Variants in MUC21 observed in about 807,000 individuals in gnomAD.
MUC21 encodes mucin-21.
In MUC21, 8 loss-of-function variants were observed where a neutral mutation model predicts 9.1. The ratio of observed to expected loss-of-function variants is 0.88; its 90% CI spans 0.52 to 1.59. MUC21 has a LOEUF of 1.59. MUC21 is among the 40% of genes most tolerant of loss of function. MUC21 has a pLI of 0.00. For synonymous variants in MUC21, 189 were observed against 275.2 expected, an observed-to-expected ratio of 0.69 and a Z score of 3.10; for missense variants, 478 against 694.2, an observed-to-expected ratio of 0.69 and a Z score of 3.50.
rs1581533333 is a variant in MUC21 at position 30,985,596 on chromosome 6, T to A, written c.62-641T>A. On this transcript the variant is annotated intron_variant, in intron 1 of 2. Coordinates refer to ENST00000376296, the MANE Select transcript of MUC21 (RefSeq NM_001010909.5). The stretch of plus-strand genomic sequence containing the variant: ...TCTTTTATAATACTTTATATCTGTA[T>A]TGTATCTTGCATAGCAGAATGTGGA... 3.3e-5 allele frequency among the ~76,000 whole-genome samples: 5 copies of A among 152,312 alleles called. No homozygotes were observed. The South Asian group carries it at 1.0e-3, about 32-fold the overall frequency.
At chr6:30,984,955 G>T (rs967020161) in intron 1 of MUC21, among the ~76,000 whole-genome samples, 11 of 150,660 alleles carry the variant, frequency 7.3e-5, no homozygotes, top group African/African-American at 2.7e-4. Context: ...AGCCTGGGCG[G>T]CAGAGCAAGA....
intron 1 of MUC21, 122 bp downstream of exon 1, chr6:30,984,141 G>A (rs1254700687): frequency 6.1e-6 from 4 of 659,446 alleles, no homozygotes; most frequent in Non-Finnish European, 1.1e-5. Flanking sequence ...CATTTTACTC[G>A]AATCACTTCA....
At chr6:30,984,192 T>C in intron 1 of MUC21, 173 bp downstream of exon 1, 1 of 553,536 alleles carries the variant, frequency 1.8e-6, no homozygotes, top group South Asian at 2.5e-5. Flanking sequence ...TCAGACACAG[T>C]GGTTAAAATT....
chr6:30,983,784 T>C lies in MUC21; in HGVS notation c.-175T>C, dbSNP rs1634714. Reference sequence around the variant, plus strand: ...ACCCAGGCATCCAGCTGCCCACGCCTGAGTCCAAGATTCTTCCCAGGAACA... The same window carrying C: ...ACCCAGGCATCCAGCTGCCCACGCCCGAGTCCAAGATTCTTCCCAGGAACA... On this transcript the variant is annotated 5_prime_UTR_variant, in exon 1 of 3. Transcript: ENST00000376296. The C allele has an allele frequency of 0.12, 61,277 of 520,474 alleles. 4,835 individuals carry two copies. The highest frequency in any genetic ancestry group is 0.16 in the Non-Finnish European group (46,888 of 293,436). 32.2% of individuals were successfully genotyped at this position (520,474 alleles called of 1,614,324 possible).
chr6:30,984,584 C>A (rs9348845), intron 1 of MUC21, among the ~76,000 whole-genome samples: 16,163 of 152,118 alleles, frequency 0.11, 1,154 homozygotes, highest in East Asian at 0.33. Context: ...GCAGGAAAAT[C>A]GCTTGAACCC....
At chr6:30,985,125 G>A (rs1762196089) in intron 1 of MUC21, among the ~76,000 whole-genome samples, 1 of 152,112 alleles carries the variant, frequency 6.6e-6, no homozygotes, top group Non-Finnish European at 1.5e-5. Context: ...AGGCTGGGGA[G>A]GTTGAATGTC....
rs749795094 is a variant in MUC21 at position 30,987,478 on chromosome 6, G to A, written c.1303G>A (p.Ala435Thr). 5.0e-6 allele frequency: 8 copies of A among 1,614,088 alleles called. No homozygotes were observed. The highest frequency in any genetic ancestry group is 2.2e-5 in the East Asian group (1 of 44,902). The change falls in exon 2 of 3, where the codon GCC (alanine) becomes ACC (threonine). Residue 435 changes from alanine (A) to threonine (T), a missense_variant. Ala to Thr is a moderately conservative substitution (Grantham distance 58, BLOSUM62 0). Transcript: ENST00000376296. ...SSTTSSGANT[A>T]TNSGSSVTSA... is the part of the protein sequence containing the mutation. ...CACAACCTCCAGTGGGGCCAACACA[G>A]CCACCAACTCTGGGTCCAGTGTGAC...
Position 30,987,564 on chromosome 6 carries a change from T to C in MUC21, c.1389T>C (p.Ser463=). The C allele has an allele frequency of 6.2e-7, 1 of 1,614,252 alleles. No homozygotes were observed. The highest frequency in any genetic ancestry group is 2.2e-5 in the East Asian group (1 of 44,890). ...TGMHTTSHSA[S]TAVSEAKPGG... is the part of the protein sequence containing the mutation. ...TGCACACAACTTCCCATAGTGCATC[T>C]ACTGCAGTGAGTGAGGCGAAGCCTG... Residue 463 remains serine (S), a synonymous_variant, in exon 2 of 3, where the codon TCT becomes TCC. Coordinates refer to ENST00000376296, the MANE Select transcript of MUC21 (RefSeq NM_001010909.5).
chr6:30,986,405 A>G lies in MUC21; in HGVS notation c.230A>G (p.Asn77Ser), dbSNP rs1337053376. Residue 77 changes from asparagine to serine, a missense_variant, in exon 2 of 3, where the codon AAC becomes AGC. Asn to Ser is a conservative substitution (Grantham distance 46). This residue lies in a region of MUC21 where 110 missense variants were observed against 108.3 expected (regional missense o/e 1.02). Transcript: ENST00000376296. ...VTSNGVSIVT[N>S]SEFHTTSSGI... ...TCCAATGGGGTCAGCATAGTCACCAACTCTGAGTTCCATACAACCTCCAGT... is the reference window on the plus strand; with the variant it reads ...TCCAATGGGGTCAGCATAGTCACCAGCTCTGAGTTCCATACAACCTCCAGT... 1.9e-6 allele frequency: 3 copies of G among 1,612,752 alleles called. No individual in the cohort carries two copies. Among genetic ancestry groups the G allele is most frequent in the Non-Finnish European group, 2.5e-6 (3 of 1,179,460 alleles).
intron 1 of MUC21, among the ~76,000 whole-genome samples, chr6:30,985,154 C>G (rs1054224660): frequency 7.9e-5 from 12 of 152,074 alleles, no homozygotes; most frequent in African/African-American, 2.9e-4. Flanking sequence ...TCTGGGAAAT[C>G]AAGGGCAAAA....
Position 30,988,120 on chromosome 6 carries a change from A to G in MUC21, c.1627A>G (p.Ser543Gly), listed in dbSNP as rs764314625. ...NHGAPHRPRW[S>G]PNWFWRRPVS... The stretch of plus-strand genomic sequence containing the variant: ...TGGAGCCCCCCACAGGCCCAGGTGG[A>G]GTCCTAACTGGTTCTGGAGGAGACC... Residue 543 changes from serine to glycine, a missense_variant, in exon 3 of 3, where the codon AGT becomes GGT. This residue lies in a region of MUC21 where 158 missense variants were observed against 192.6 expected (regional missense o/e 0.82). Coordinates refer to ENST00000376296, the MANE Select transcript of MUC21 (RefSeq NM_001010909.5). The G allele has an allele frequency of 6.2e-7, 1 of 1,612,960 alleles. No homozygotes were observed. Among genetic ancestry groups the G allele is most frequent in the South Asian group, 1.1e-5 (1 of 91,072 alleles).
Position 30,987,201 on chromosome 6 carries a change from C to A in MUC21, c.1026C>A (p.Ala342=). 1 of 1,503,120 alleles carries A rather than the reference C, an allele frequency of 6.7e-7. No homozygotes were observed. 93.1% of individuals were successfully genotyped at this position (1,503,120 alleles called of 1,614,324 possible). A position where few individuals can be genotyped will look rare whatever the true frequency, so the allele number is the denominator to read the frequency against. The part of the protein sequence containing the change: ...NSESSTTSSG[A]STATNSESST... ...AGTCCAGCACGACCTCCAGTGGGGC[C>A]AGCACAGCCACCAACTCTGAGTCCA... The change falls in exon 2 of 3, where the codon GCC becomes GCA. Residue 342 remains alanine (A), a synonymous_variant. Transcript: ENST00000376296.
At position 30,988,452 on chromosome 6, in the gene MUC21, G is replaced by A. The variant is rs1192847502; in HGVS notation, c.*258G>A. 9 of 445,848 alleles carry A rather than the reference G, an allele frequency of 2.0e-5. No homozygotes were observed. Among genetic ancestry groups the A allele is most frequent in the South Asian group, 5.3e-5 (1 of 19,042 alleles). The allele number at this position is 445,848 out of a possible 1,614,324, so 27.6% of individuals were successfully genotyped here. On this transcript the variant is annotated 3_prime_UTR_variant, in exon 3 of 3. Coordinates refer to ENST00000376296, the MANE Select transcript of MUC21 (RefSeq NM_001010909.5). ...AGAAGCTGTGCGTGCCCCGGGGTGG[G>A]TATCTAGCTCTGAGATGAACTCAGT...
intron 1 of MUC21, among the ~76,000 whole-genome samples, chr6:30,985,206 A>G (rs932505018): frequency 6.6e-6 from 1 of 152,100 alleles, no homozygotes; most frequent in African/African-American, 2.4e-5. Context: ...CCAAGAAGTT[A>G]AAAGCCTTCC....
rs1471252936 is a variant in MUC21, at chr6:30,986,378, C to T, written c.203C>T (p.Thr68Ile). The change falls in exon 2 of 3, where the codon ACC becomes ATC. Residue 68 changes from threonine (T) to isoleucine (I), a missense_variant. Thr to Ile is a moderately conservative substitution (Grantham distance 89, BLOSUM62 -1). Transcript: ENST00000376296. ...GCCACCATCTCAGGGTCCAGCGTGACCTCCAATGGGGTCAGCATAGTCACC... is the reference window on the plus strand; with the variant it reads ...GCCACCATCTCAGGGTCCAGCGTGATCTCCAATGGGGTCAGCATAGTCACC... ...STATISGSSV[T>I]SNGVSIVTNS... 12 of 1,610,482 alleles carry T rather than the reference C, an allele frequency of 7.5e-6. No individual in the cohort carries two copies. The highest frequency in any genetic ancestry group is 1.3e-5 in the African/African-American group (1 of 74,538).
In MUC21 at chr6:30,988,795, G is replaced by A. The variant is rs1762502883; in HGVS notation, c.*601G>A. 7.2e-6 allele frequency: 1 copy of A among 138,860 alleles called. No homozygotes were observed. The highest frequency in any genetic ancestry group is 2.6e-5 in the African/African-American group (1 of 38,408). The allele number at this position is 138,860 out of a possible 1,614,324, so 8.6% of individuals were successfully genotyped here. A position where few individuals can be genotyped will look rare whatever the true frequency, so the allele number is the denominator to read the frequency against. On this transcript the variant is annotated 3_prime_UTR_variant, in exon 3 of 3. Transcript: ENST00000376296. ...CCTGCTCTGTGTGTGGGGGGGGAGG[G>A]GGGAGGGGGGTACGCATATTCACTT...
Position 30,988,402 on chromosome 6 carries a change from A to T in MUC21, c.*208A>T. 1 of 555,290 alleles carries T rather than the reference A, an allele frequency of 1.8e-6. No individual in the cohort carries two copies. Among genetic ancestry groups the T allele is most frequent in the Non-Finnish European group, 3.1e-6 (1 of 317,654 alleles). The allele number at this position is 555,290 out of a possible 1,614,324, so 34.4% of individuals were successfully genotyped here. Reference sequence around the variant, plus strand: ...GCTCATTTAGCTAAGAAATAAATACATCTCATCTAACACACACGACAAAGA... The same window carrying T: ...GCTCATTTAGCTAAGAAATAAATACTTCTCATCTAACACACACGACAAAGA... On this transcript the variant is annotated 3_prime_UTR_variant, in exon 3 of 3. Transcript: ENST00000376296.
rs568295420 is a variant in MUC21, at chr6:30,988,107, C to T, written c.1614C>T (p.His538=). ...CTGGAGGGAATCATGGAGCCCCCCA[C>T]AGGCCCAGGTGGAGTCCTAACTGGT... The part of the protein sequence containing the change: ...PGPGGNHGAP[H]RPRWSPNWFW... The change falls in exon 3 of 3, where the codon CAC becomes CAT. Residue 538 remains histidine (H), a synonymous_variant. Coordinates refer to ENST00000376296, the MANE Select transcript of MUC21 (RefSeq NM_001010909.5). 6.2e-7 allele frequency: 1 copy of T among 1,612,968 alleles called. No homozygotes were observed. The highest frequency in any genetic ancestry group is 1.7e-5 in the Admixed American group (1 of 60,024).
In MUC21 at chr6:30,986,923, A is replaced by C. The variant is rs139685279; in HGVS notation, c.748A>C (p.Ser250Arg). The C allele has an allele frequency of 1.9e-3, 3,011 of 1,552,666 alleles. 145 individuals are homozygous for C. Among genetic ancestry groups the C allele is most frequent in the African/African-American group, 6.5e-3 (462 of 70,880 alleles). ...CAACTCTGAGTCCAGCACACCCTCC[A>C]GTGGGGCCGGCACAGCCACCAACTC... ...ATNSESSTPS[S>R]GAGTATNSES... The change falls in exon 2 of 3, where the codon AGT (serine) becomes CGT (arginine). Residue 250 changes from serine (S) to arginine (R), a missense_variant. Around this residue, in one of 5 missense-constraint regions of MUC21, gnomAD observed 155 missense variants for 235.2 expected, o/e 0.66. Coordinates refer to ENST00000376296, the MANE Select transcript of MUC21 (RefSeq NM_001010909.5).
Sources: gnomAD v4.1 joint callset for allele counts (sites outside exome capture counted in the v4.1 genomes callset) on GRCh38, gnomAD v4.1.1 for gene constraint, gnomAD v4.1.1 regional missense constraint, MANE v1.5 for transcripts, NCBI Gene and HGNC (gene_info 2026-07-23, HGNC 2026-07-21) for gene names.